The following MARCHF3 variants were observed in gnomAD, a reference collection of about 807,000 sequenced individuals.
MARCHF3 encodes the protein E3 ubiquitin-protein ligase MARCHF3.
MARCHF3 carries 13 observed loss-of-function variants against 24.2 expected under a neutral mutation model. That is an observed-to-expected ratio of 0.54 (90% CI 0.35 to 0.85). The LOEUF (loss-of-function observed/expected upper bound fraction) is 0.85, where lower values mean the gene tolerates loss of function less well. MARCHF3 is among the 40% of genes least tolerant of loss of function. The pLI is 0.01. For missense variants in MARCHF3, 276 were observed against 325.0 expected, an observed-to-expected ratio of 0.85 and a Z score of 1.16; for synonymous variants, 144 against 137.3, an observed-to-expected ratio of 1.05 and a Z score of -0.34.
At chr5:126,875,736 G>A (rs375181953) in intron 4 of MARCHF3, among the ~76,000 whole-genome samples, 1 of 152,350 alleles carries the variant, frequency 6.6e-6, no homozygotes. Context: ...AGGGCAGGGG[G>A]AGGGTGGAAG....
At chr5:126,958,096 C>A in intron 1 of MARCHF3, among the ~76,000 whole-genome samples, 1 of 151,944 alleles carries the variant, frequency 6.6e-6, no homozygotes, top group East Asian at 1.9e-4. Flanking sequence ...TTTTTATTAT[C>A]AAATTTTTAT....
chr5:126,962,837 G>A (rs1208631210), intron 1 of MARCHF3, among the ~76,000 whole-genome samples: 3 of 142,574 alleles, frequency 2.1e-5, no homozygotes, highest in South Asian at 2.4e-4. Context: ...GTGTGTGCGT[G>A]TGTGTGTGTG....
At chr5:126,918,597 T>C (rs1356936468) in intron 1 of MARCHF3, among the ~76,000 whole-genome samples, 1 of 152,226 alleles carries the variant, frequency 6.6e-6, no homozygotes, top group Non-Finnish European at 1.5e-5. Flanking sequence ...TAAAAGTTAC[T>C]AAAATCATTA....
At chr5:127,004,186 C>T (rs571019554) in intron 1 of MARCHF3, among the ~76,000 whole-genome samples, 1 of 152,318 alleles carries the variant, frequency 6.6e-6, no homozygotes, top group Non-Finnish European at 1.5e-5. Context: ...ATTTACCTGA[C>T]AATCCACCTT....
intron 1 of MARCHF3, among the ~76,000 whole-genome samples, chr5:126,929,584 G>C (rs1388344859): frequency 1.3e-5 from 2 of 152,204 alleles, no homozygotes; most frequent in Admixed American, 6.5e-5. Flanking sequence ...ACACAAAAAA[G>C]TCATGAGCAC....
intron 1 of MARCHF3, among the ~76,000 whole-genome samples, chr5:126,926,794 G>A (rs1749311377): frequency 6.6e-6 from 1 of 151,796 alleles, no homozygotes. Context: ...AGGACCTGAG[G>A]TAGGTGTGGG....
chr5:126,961,301 G>C (rs572515072), intron 1 of MARCHF3, among the ~76,000 whole-genome samples: 1 of 152,192 alleles, frequency 6.6e-6, no homozygotes, highest in Non-Finnish European at 1.5e-5. Flanking sequence ...GAGGAACATT[G>C]ATCTACATGA....
At chr5:126,912,323 C>A (rs1433874293) in intron 3 of MARCHF3, among the ~76,000 whole-genome samples, 1 of 152,190 alleles carries the variant, frequency 6.6e-6, no homozygotes. Flanking sequence ...AAAAGTAATT[C>A]CAACCAATGT....
chr5:126,926,110 G>C (rs1030060242), intron 1 of MARCHF3, among the ~76,000 whole-genome samples: 1 of 152,204 alleles, frequency 6.6e-6, no homozygotes, highest in Non-Finnish European at 1.5e-5. Flanking sequence ...TTTCCAAGTT[G>C]TACCTCACTT....
intron 1 of MARCHF3, among the ~76,000 whole-genome samples, chr5:126,927,801 G>C (rs1027540312): frequency 6.6e-6 from 1 of 150,962 alleles, no homozygotes; most frequent in Admixed American, 6.6e-5. Flanking sequence ...CTGTTTGTTT[G>C]TTTTTTTTTG....
intron 1 of MARCHF3, among the ~76,000 whole-genome samples, chr5:126,981,432 T>C (rs962406028): frequency 6.6e-6 from 1 of 152,210 alleles, no homozygotes; most frequent in African/African-American, 2.4e-5. Context: ...GAGGAAGCCA[T>C]GAAAAGCCTA....
chr5:127,003,397 G>A (rs1048111819), intron 1 of MARCHF3, among the ~76,000 whole-genome samples: 5 of 151,638 alleles, frequency 3.3e-5, no homozygotes, highest in African/African-American at 1.2e-4. Context: ...GAACCCGGGA[G>A]GCGGAGCTTG....
intron 1 of MARCHF3, among the ~76,000 whole-genome samples, chr5:126,999,135 A>G (rs1018631920): frequency 1.3e-5 from 2 of 152,240 alleles, no homozygotes; most frequent in Non-Finnish European, 2.9e-5. Flanking sequence ...TACTGATCCT[A>G]TAATACTGGC....
chr5:126,878,534 A>T, intron 3 of MARCHF3, 140 bp from the exon 4 acceptor site: 1 of 715,174 alleles, frequency 1.4e-6, no homozygotes, highest in South Asian at 1.8e-5. Flanking sequence ...GATAACAAGG[A>T]AGTGTTCAGG....
rs192369418 is a variant in MARCHF3 at position 126,956,602 on chromosome 5, G to A, written c.-56-38375C>T. On this transcript the variant is annotated intron_variant, in intron 1 of 4. Transcript: ENST00000308660. ...GGAAGTTGCAGTGAGCCAAGATTGC[G>A]CCACTGTACTCCAGCCTGGGCAACA... is the stretch of plus-strand genomic sequence containing the variant. Among the ~76,000 whole-genome samples the A allele has an allele frequency of 0.011, 1,438 of 127,836 alleles. 16 individuals are homozygous for A. The Middle Eastern group carries it at 0.16, about 14-fold the overall frequency. 83.9% of individuals were successfully genotyped at this position (127,836 alleles called of 152,430 possible).
intron 1 of MARCHF3, among the ~76,000 whole-genome samples, chr5:127,014,851 A>G (rs1752584859): frequency 6.6e-6 from 1 of 152,222 alleles, no homozygotes; most frequent in Non-Finnish European, 1.5e-5. Flanking sequence ...AAAGGATATA[A>G]AATTCCAGCT....
At chr5:126,930,395 G>A (rs1749442536) in intron 1 of MARCHF3, among the ~76,000 whole-genome samples, 1 of 152,152 alleles carries the variant, frequency 6.6e-6, no homozygotes, top group Admixed American at 6.5e-5. Flanking sequence ...TTTGCTTATT[G>A]CTGCACAGAT....
intron 3 of MARCHF3, among the ~76,000 whole-genome samples, chr5:126,909,140 G>C (rs1754415075): frequency 6.6e-6 from 1 of 152,252 alleles, no homozygotes; most frequent in Admixed American, 6.5e-5. Context: ...TCGGGGGTCA[G>C]GGGTCAGGGA....
intron 1 of MARCHF3, among the ~76,000 whole-genome samples, chr5:127,003,041 C>A (rs1258706744): frequency 2.6e-5 from 4 of 151,902 alleles, no homozygotes; most frequent in African/African-American, 7.3e-5. Context: ...GACAGAGATT[C>A]TGTCATTTAT....
Sources: allele counts gnomAD v4.1 joint callset (sites outside exome capture counted in the v4.1 genomes callset), GRCh38; gene constraint gnomAD v4.1.1; transcripts MANE v1.5; gene names NCBI Gene and HGNC (gene_info 2026-07-23, HGNC 2026-07-21).